TET2: variants seen among roughly 807,000 people sequenced by gnomAD.
TET2 encodes the protein tet methylcytosine dioxygenase 2.
Under a neutral mutation model 142.9 loss-of-function variants are expected in TET2, and 299 were observed. The ratio of observed to expected loss-of-function variants is 2.09; its 90% confidence interval spans 1.90 to 2.30. The LOEUF (loss-of-function observed/expected upper bound fraction) is 2.30, where lower values mean the gene tolerates loss of function less well. TET2 is among the 30% of genes most tolerant of loss of function. The probability of loss-of-function intolerance (pLI) is 0.00; values close to 1 mark genes in which losing one functional copy is unlikely to be tolerated. For missense variants in TET2, 2,418 were observed against 2,378.0 expected (o/e 1.02, Z -0.35); for synonymous variants, 819 against 849.0 (o/e 0.96, Z 0.61).
intron 2 of TET2, among the ~76,000 whole-genome samples, chr4:105,213,780 G>C (rs892785303): frequency 2.6e-5 from 4 of 152,172 alleles, no homozygotes; most frequent in African/African-American, 9.7e-5. Flanking sequence ...AAAGCTCTCA[G>C]AGAGAACTAT....
chr4:105,236,682 C>G lies in TET2; in HGVS notation c.2740C>G (p.Leu914Val). ...QDMSGQQAAQ[L>V]AQQRYLIHNH... ...TATGTCTGGTCAACAAGCTGCGCAACTTGCTCAGCAAAGGTACTTGATACA... is the reference window on the plus strand; with the variant it reads ...TATGTCTGGTCAACAAGCTGCGCAAGTTGCTCAGCAAAGGTACTTGATACA... The change falls in exon 3 of 11, where the codon CTT becomes GTT. Residue 914 changes from leucine (L) to valine (V), a missense_variant. Transcript: ENST00000380013. 1 of 1,614,072 alleles carries G rather than the reference C, an allele frequency of 6.2e-7. No homozygotes were observed. Among genetic ancestry groups the G allele is most frequent in the Non-Finnish European group, 8.5e-7 (1 of 1,179,998 alleles).
At chr4:105,237,499 G>A in intron 3 of TET2, 148 bp downstream of exon 3, 1 of 1,603,488 alleles carries the variant, frequency 6.2e-7, no homozygotes, top group South Asian at 1.1e-5. Context: ...TACATTTTTT[G>A]TCAAGTTACC....
intron 7 of TET2, among the ~76,000 whole-genome samples, chr4:105,260,273 AG>A (rs1730358051): frequency 1.3e-5 from 2 of 152,138 alleles, no homozygotes; most frequent in Admixed American, 1.3e-4. Context: ...TTCTCACTGA[AG>A]TCATTGGTTT....
intron 1 of TET2, among the ~76,000 whole-genome samples, chr4:105,181,187 C>A (rs1164137147): frequency 6.6e-6 from 1 of 152,130 alleles, no homozygotes; most frequent in Non-Finnish European, 1.5e-5. Context: ...GATCTATATA[C>A]TCCTTGGCCA....
chr4:105,198,284 C>T (rs893745829), intron 2 of TET2, among the ~76,000 whole-genome samples: 4 of 151,966 alleles, frequency 2.6e-5, no homozygotes, highest in Admixed American at 6.6e-5. Flanking sequence ...TGCAGTGAGC[C>T]GAGATCGTGC....
At position 105,276,615 on chromosome 4, in the gene TET2, A is replaced by G; in HGVS notation, c.*96A>G. ...GACGTGGGCAGTGGGGAAAGGTCACAGTATTCATGACAAATGTGGTGGGAA... is the reference window on the plus strand; with the variant it reads ...GACGTGGGCAGTGGGGAAAGGTCACGGTATTCATGACAAATGTGGTGGGAA... On this transcript the variant is annotated 3_prime_UTR_variant, in exon 11 of 11. Coordinates refer to ENST00000380013, the MANE Select transcript of TET2 (RefSeq NM_001127208.3). 1.5e-6 allele frequency: 2 copies of G among 1,343,758 alleles called. No homozygotes were observed. The highest frequency in any genetic ancestry group is 2.0e-6 in the Non-Finnish European group (2 of 1,001,610). 83.2% of individuals were successfully genotyped at this position (1,343,758 alleles called of 1,614,324 possible). A position where few individuals can be genotyped will look rare whatever the true frequency, so the allele number is the denominator to read the frequency against.
At chr4:105,218,331 C>T (rs929782419) in intron 2 of TET2, among the ~76,000 whole-genome samples, 5 of 152,044 alleles carry the variant, frequency 3.3e-5, no homozygotes, top group African/African-American at 9.7e-5. Flanking sequence ...CCTCTTTGTC[C>T]TGAACAGATC....
chr4:105,209,857 C>T (rs1256693664), intron 2 of TET2, among the ~76,000 whole-genome samples: 1 of 152,054 alleles, frequency 6.6e-6, no homozygotes, highest in Admixed American at 6.6e-5. Context: ...ATGAGCAAGG[C>T]TTAGAGACAA....
intron 6 of TET2, among the ~76,000 whole-genome samples, chr4:105,253,640 T>C (rs1275463108): frequency 6.6e-6 from 1 of 152,070 alleles, no homozygotes; most frequent in Non-Finnish European, 1.5e-5. Flanking sequence ...TTTTATTTTC[T>C]TGTCTTAATG....
intron 1 of TET2, chr4:105,172,566 A>C (rs1724534993): frequency 6.6e-6 from 1 of 152,220 alleles, no homozygotes; most frequent in Non-Finnish European, 1.5e-5. Context: ...TAAGCAGTCC[A>C]TGCAGTTCAA....
At chr4:105,220,557 G>A (rs1158633495) in intron 2 of TET2, among the ~76,000 whole-genome samples, 1 of 152,130 alleles carries the variant, frequency 6.6e-6, no homozygotes, top group Non-Finnish European at 1.5e-5. Flanking sequence ...TCTACCGTGA[G>A]CACCAGTGCC....
At chr4:105,169,438 C>T (rs548956643) in intron 1 of TET2, among the ~76,000 whole-genome samples, 1 of 151,654 alleles carries the variant, frequency 6.6e-6, no homozygotes, top group Non-Finnish European at 1.5e-5. Flanking sequence ...TGTTTTTTTC[C>T]TTGCTAATTT....
rs547620882 is a variant in TET2, at chr4:105,241,180, A to G, written c.3410-159A>G. 1.2e-4 allele frequency: 154 copies of G among 1,286,224 alleles called. 1 individual carries two copies. The African/African-American group carries it at 1.8e-3, about 15-fold the overall frequency. The allele number at this position is 1,286,224 out of a possible 1,614,324, so 79.7% of individuals were successfully genotyped here. A position where few individuals can be genotyped will look rare whatever the true frequency, so the allele number is the denominator to read the frequency against. ...TACTTAATTATGTGGCACATTTTCT[A>G]ATAGATCAGTCCATCAATCTACTCA... is the stretch of plus-strand genomic sequence containing the variant. On this transcript the variant is annotated intron_variant, in intron 3 of 10. Coordinates refer to ENST00000380013, the MANE Select transcript of TET2 (RefSeq NM_001127208.3).
chr4:105,201,564 G>T (rs1004482189), intron 2 of TET2, among the ~76,000 whole-genome samples: 1 of 151,998 alleles, frequency 6.6e-6, no homozygotes, highest in African/African-American at 2.4e-5. Context: ...ATTTGTGAGA[G>T]TTGTGTTTTT....
In TET2 at chr4:105,164,246, C is replaced by T. The variant is rs202244458; in HGVS notation, c.-193+17267C>T. Among the ~76,000 whole-genome samples, 15 of 152,270 alleles carry T rather than the reference C, an allele frequency of 9.9e-5. No homozygotes were observed. In the East Asian group the frequency reaches 1.5e-3, roughly 16 times the overall value. ...ATGTTACTCTCTGCGTTTATGAGTT[C>T]GACTTCTTTAGATTCCACATATAAG... On this transcript the variant is annotated intron_variant, in intron 1 of 10. Coordinates refer to ENST00000380013, the MANE Select transcript of TET2 (RefSeq NM_001127208.3).
intron 10 of TET2, among the ~76,000 whole-genome samples, chr4:105,274,223 G>C (rs941064626): frequency 4.6e-5 from 7 of 152,196 alleles, no homozygotes; most frequent in Admixed American, 4.6e-4. Context: ...TCTGTTCTCA[G>C]AACTGCCATT....
intron 9 of TET2, 80 bp from the exon 10 acceptor site, chr4:105,272,484 A>G (rs983705096): frequency 1.6e-5 from 15 of 946,920 alleles, no homozygotes; most frequent in Non-Finnish European, 2.3e-5. Context: ...CTGAATACTG[A>G]GAGGAGAAAG....
At chr4:105,229,455 C>T (rs1000208579) in intron 2 of TET2, among the ~76,000 whole-genome samples, 1 of 152,100 alleles carries the variant, frequency 6.6e-6, no homozygotes, top group African/African-American at 2.4e-5. Flanking sequence ...GGACTACAGG[C>T]ATGCGCCACC....
chr4:105,235,773 A>T lies in TET2; in HGVS notation c.1831A>T (p.Met611Leu). Residue 611 changes from methionine to leucine, a missense_variant, in exon 3 of 11, where the codon ATG becomes TTG. Transcript: ENST00000380013. ...TSKQYTGNSN[M>L]PGGLPRQAYT... Reference sequence around the variant, plus strand: ...CAAACAATACACTGGAAATTCCAACATGCCTGGGGGGCTCCCAAGGCAAGC... The same window carrying T: ...CAAACAATACACTGGAAATTCCAACTTGCCTGGGGGGCTCCCAAGGCAAGC... 1 of 1,614,122 alleles carries T rather than the reference A, an allele frequency of 6.2e-7. No individual in the cohort carries two copies. Among genetic ancestry groups the T allele is most frequent in the Non-Finnish European group, 8.5e-7 (1 of 1,180,020 alleles).
Sources: allele counts gnomAD v4.1 joint callset (sites outside exome capture counted in the v4.1 genomes callset), GRCh38; gene constraint gnomAD v4.1.1; transcripts MANE v1.5; gene names NCBI Gene and HGNC (gene_info 2026-07-23, HGNC 2026-07-21).